The following TEX11 variants were observed in gnomAD, a reference collection of about 807,000 sequenced individuals.
TEX11 encodes the protein testis-expressed protein 11.
Under a neutral mutation model 84.4 loss-of-function variants are expected in TEX11, and 7 were observed. That is an observed-to-expected ratio of 0.08 (90% CI 0.05 to 0.16). TEX11 has a LOEUF of 0.16. TEX11 is among the 10% of genes least tolerant of loss of function. The probability of loss-of-function intolerance (pLI) is 1.00; values close to 1 mark genes in which losing one functional copy is unlikely to be tolerated. For missense variants in TEX11, 551 were observed against 660.5 expected (o/e 0.83, Z 1.82); for synonymous variants, 264 against 222.8 (o/e 1.18, Z -1.64).
At chrX:70,708,458 A>C (rs2090396565) in intron 13 of TEX11, among the ~76,000 whole-genome samples, 1 of 111,633 alleles carries the variant, frequency 9.0e-6, no homozygotes, top group Non-Finnish European at 1.9e-5. Flanking sequence ...TATATACCCA[A>C]AGGAAAACAG....
intron 13 of TEX11, among the ~76,000 whole-genome samples, chrX:70,694,911 T>A (rs2090267237): frequency 9.0e-6 from 1 of 111,216 alleles, no homozygotes; most frequent in Non-Finnish European, 1.9e-5. Context: ...AACTGATTCA[T>A]CCCTGTAAGG....
chrX:70,903,574 T>G (rs2091814390), intron 2 of TEX11, among the ~76,000 whole-genome samples: 1 of 110,625 alleles, frequency 9.0e-6, no homozygotes, highest in Non-Finnish European at 1.9e-5. Context: ...TTGTGTTCTA[T>G]TCTGGGTACC....
At chrX:70,671,496 A>G (rs1258958820) in intron 15 of TEX11, among the ~76,000 whole-genome samples, 1 of 111,170 alleles carries the variant, frequency 9.0e-6, no homozygotes, top group Non-Finnish European at 1.9e-5. Flanking sequence ...ATTCCTCTCC[A>G]GTGTTGGAAG....
At chrX:70,627,256 T>C (rs1019495289) in intron 18 of TEX11, among the ~76,000 whole-genome samples, 1 of 111,960 alleles carries the variant, frequency 8.9e-6, no homozygotes, top group Admixed American at 9.5e-5. Context: ...GGGGAGTAGT[T>C]GGTGAGAGAA....
At chrX:70,671,004 T>C (rs1329080920) in intron 15 of TEX11, among the ~76,000 whole-genome samples, 1 of 111,882 alleles carries the variant, frequency 8.9e-6, no homozygotes, top group Non-Finnish European at 1.9e-5. Context: ...TATTAATCTA[T>C]GTTGCTATGT....
intron 8 of TEX11, among the ~76,000 whole-genome samples, chrX:70,821,666 T>A (rs913625949): frequency 8.9e-6 from 1 of 111,950 alleles, no homozygotes; most frequent in Non-Finnish European, 1.9e-5. Flanking sequence ...TTTATAGCAA[T>A]GTGAGAACGA....
intron 24 of TEX11, among the ~76,000 whole-genome samples, chrX:70,593,042 C>A (rs1417908733): frequency 9.8e-6 from 1 of 102,260 alleles, no homozygotes; most frequent in African/African-American, 3.5e-5. Flanking sequence ...GCAATTTATG[C>A]ACAAGAGCAT....
intron 25 of TEX11, among the ~76,000 whole-genome samples, chrX:70,567,463 C>T (rs777510087): frequency 7.4e-4 from 82 of 110,683 alleles, no homozygotes; most frequent in African/African-American, 2.4e-3. Flanking sequence ...AATGTGTTTG[C>T]TCTTGCTTTT....
chrX:70,579,657 T>C (rs1214196262), intron 25 of TEX11, among the ~76,000 whole-genome samples: 1 of 111,417 alleles, frequency 9.0e-6, no homozygotes, highest in East Asian at 2.8e-4. Context: ...GGAAAAAATC[T>C]AGTAATCTAA....
intron 11 of TEX11, among the ~76,000 whole-genome samples, chrX:70,734,638 C>T (rs750265704): frequency 8.9e-5 from 10 of 112,062 alleles, no homozygotes; most frequent in Non-Finnish European, 1.9e-4. Flanking sequence ...CTGTTTCCAA[C>T]GCAATTGCTA....
At chrX:70,780,600 G>A (rs2091032632) in intron 9 of TEX11, among the ~76,000 whole-genome samples, 1 of 112,438 alleles carries the variant, frequency 8.9e-6, no homozygotes, top group African/African-American at 3.2e-5. Context: ...GTACACTCCT[G>A]CCCAAATACT....
In TEX11 at chrX:70,728,361, G is replaced by A. The variant is rs369204167; in HGVS notation, c.844-3018C>T. On this transcript the variant is annotated intron_variant, in intron 11 of 29. Coordinates refer to ENST00000374333, the MANE Select transcript of TEX11 (RefSeq NM_031276.3). ...CACTGAGCCTGAGCCGAAGCAGGGCGAGGCATCGCCTCACCAGGGAAGCAC... is the reference window on the plus strand; with the variant it reads ...CACTGAGCCTGAGCCGAAGCAGGGCAAGGCATCGCCTCACCAGGGAAGCAC... Among the ~76,000 whole-genome samples the A allele has an allele frequency of 1.3e-4, 15 of 113,105 alleles. No individual in the cohort carries two copies. In the South Asian group the frequency reaches 4.0e-3, roughly 30 times the overall value.
intron 11 of TEX11, among the ~76,000 whole-genome samples, chrX:70,739,166 T>C (rs1170621037): frequency 1.8e-5 from 2 of 111,574 alleles, no homozygotes; most frequent in Non-Finnish European, 3.8e-5. Context: ...ACATTAATTT[T>C]TTAATTTTAA....
At chrX:70,710,321 G>A (rs2090416765) in intron 13 of TEX11, among the ~76,000 whole-genome samples, 2 of 111,562 alleles carry the variant, frequency 1.8e-5, no homozygotes, top group South Asian at 7.3e-4. Flanking sequence ...TAGCATGTTT[G>A]TAGAATTTTT....
intron 9 of TEX11, among the ~76,000 whole-genome samples, chrX:70,782,985 T>G (rs975996139): frequency 8.1e-5 from 9 of 111,355 alleles, no homozygotes; most frequent in African/African-American, 2.9e-4. Flanking sequence ...TTGGACCTAA[T>G]AGACACCTAC....
intron 8 of TEX11, among the ~76,000 whole-genome samples, chrX:70,824,505 C>T (rs898721219): frequency 9.0e-6 from 1 of 111,312 alleles, no homozygotes. Context: ...TTCACTGCAG[C>T]AGTAGTTCCC....
In TEX11 at chrX:70,862,026, A is replaced by G. The variant is rs1243804151; in HGVS notation, c.245-1090T>C. The stretch of plus-strand genomic sequence containing the variant: ...TGTAGAGAGGGGGTCTCGCTCTGTC[A>G]CTCACCCAAGCTAGAATACAGTGGC... On this transcript the variant is annotated intron_variant, in intron 4 of 29. Transcript: ENST00000374333. Among the ~76,000 whole-genome samples, 3 of 109,513 alleles carry G rather than the reference A, an allele frequency of 2.7e-5. No individual in the cohort carries two copies. The Admixed American group carries it at 3.0e-4, about 11-fold the overall frequency.
chrX:70,811,867 G>C (rs1201613599), intron 8 of TEX11, among the ~76,000 whole-genome samples: 1 of 111,610 alleles, frequency 9.0e-6, no homozygotes, highest in Non-Finnish European at 1.9e-5. Context: ...ACTTGTTGAT[G>C]GGGTTGTTTG....
chrX:70,698,874 G>C (rs1477819522), intron 13 of TEX11, among the ~76,000 whole-genome samples: 1 of 111,822 alleles, frequency 8.9e-6, no homozygotes, highest in Non-Finnish European at 1.9e-5. Flanking sequence ...GTGGGGGCTA[G>C]TGTCTCTAGC....
Sources: allele counts gnomAD v4.1 joint callset (sites outside exome capture counted in the v4.1 genomes callset), GRCh38; gene constraint gnomAD v4.1.1; transcripts MANE v1.5; gene names NCBI Gene and HGNC (gene_info 2026-07-23, HGNC 2026-07-21).